The following LRRCC1 variants were observed in gnomAD, a reference collection of about 807,000 sequenced individuals.
LRRCC1 encodes leucine rich repeat and coiled-coil centrosomal protein 1.
Under a neutral mutation model 126.0 loss-of-function variants are expected in LRRCC1, and 115 were observed. The observed-to-expected ratio is 0.91, with a 90% CI of 0.78 to 1.07. The LOEUF (loss-of-function observed/expected upper bound fraction) is 1.07, where lower values mean the gene tolerates loss of function less well. Among genes scored for constraint, LRRCC1 ranks in the 50% least tolerant of loss-of-function variants. The pLI is 0.00. For synonymous variants in LRRCC1, 400 were observed against 393.4 expected, an observed-to-expected ratio of 1.02 and a Z score of -0.20; for missense variants, 1,172 against 1,175.7, an observed-to-expected ratio of 1.00 and a Z score of 0.05.
At chr8:85,123,103 G>A (rs756515254) in intron 6 of LRRCC1, among the ~76,000 whole-genome samples, 1 of 152,028 alleles carries the variant, frequency 6.6e-6, no homozygotes, top group Non-Finnish European at 1.5e-5. Flanking sequence ...CTCTCATTCT[G>A]GTCCATTTTC....
intron 10 of LRRCC1, 83 bp from the exon 11 acceptor site, chr8:85,129,836 T>G: frequency 9.2e-7 from 1 of 1,083,750 alleles, no homozygotes; most frequent in South Asian, 2.1e-5. Flanking sequence ...ACACTGTCAT[T>G]TAAAAGGTAC....
intron 12 of LRRCC1, among the ~76,000 whole-genome samples, chr8:85,133,080 C>A (rs918041664): frequency 4.6e-5 from 7 of 152,160 alleles, no homozygotes; most frequent in African/African-American, 1.7e-4. Flanking sequence ...TCTTTGATTT[C>A]TCTACTTCTC....
At chr8:85,141,620 A>C (rs1450516248) in intron 18 of LRRCC1, 103 bp downstream of exon 18, 100 of 835,280 alleles carry the variant, frequency 1.2e-4, no homozygotes, top group East Asian at 1.6e-4. Flanking sequence ...ACATGATCTC[A>C]TGACCAAATA....
intron 9 of LRRCC1, among the ~76,000 whole-genome samples, chr8:85,128,402 C>G (rs1210008234): frequency 2.0e-5 from 3 of 151,426 alleles, no homozygotes; most frequent in Non-Finnish European, 4.4e-5. Context: ...TTTTCTGATT[C>G]TTCTTTTATC....
chr8:85,124,267 T>C (rs554392221), intron 7 of LRRCC1, among the ~76,000 whole-genome samples: 3 of 152,216 alleles, frequency 2.0e-5, no homozygotes, highest in Admixed American at 2.0e-4. Context: ...TTGTTGTTGA[T>C]TAATTCTTCC....
chr8:85,131,701 T>TA, intron 11 of LRRCC1, 59 bp from the exon 12 acceptor site: 1 of 1,340,366 alleles, frequency 7.5e-7, no homozygotes, highest in Non-Finnish European at 1.0e-6. Flanking sequence ...TAAAGACCTT[T>TA]AAAATGTTTC....
chr8:85,134,611 C>A (rs145143765), intron 12 of LRRCC1, among the ~76,000 whole-genome samples: 1 of 152,148 alleles, frequency 6.6e-6, no homozygotes, highest in African/African-American at 2.4e-5. Context: ...TCAGCCACCG[C>A]GCCCAGCCCA....
rs1241110062 is a variant in LRRCC1, at chr8:85,129,264, C to T, written c.1511C>T (p.Thr504Ile). 2 of 1,613,242 alleles carry T rather than the reference C, an allele frequency of 1.2e-6. No homozygotes were observed. The highest frequency in any genetic ancestry group is 2.7e-5 in the African/African-American group (2 of 75,020). Residue 504 changes from threonine to isoleucine, a missense_variant, in exon 10 of 19, where the codon ACT (threonine) becomes ATT (isoleucine). Transcript: ENST00000360375. ...HKLQNEIKKL[T>I]VELMKAKDQQ... is the part of the protein sequence containing the mutation. ...CTTCAAAATGAAATTAAAAAACTGA[C>T]TGTTGAACTAATGAAAGCAAAAGAT...
Position 85,138,154 on chromosome 8 carries a change from G to A in LRRCC1, c.2613G>A (p.Lys871=). 2 of 1,611,778 alleles carry A rather than the reference G, an allele frequency of 1.2e-6. No individual in the cohort carries two copies. The highest frequency in any genetic ancestry group is 1.7e-6 in the Non-Finnish European group (2 of 1,178,866). ...CACAACTGGATGAGGTACTTGAGAAGTTGGAAAGGCACAATGAAAGAAAAG... is the reference window on the plus strand; with the variant it reads ...CACAACTGGATGAGGTACTTGAGAAATTGGAAAGGCACAATGAAAGAAAAG... ...KSSQLDEVLE[K]LERHNERKEK... The change falls in exon 16 of 19, where the codon AAG becomes AAA. Residue 871 remains lysine, a synonymous_variant. Transcript: ENST00000360375.
rs138066587 is a variant in LRRCC1 at position 85,113,814 on chromosome 8, T to C, written c.544+715T>C. Reference sequence around the variant, plus strand: ...GCTGCTGAAATGCTATTTGAGCTAATTGGGAATCAATCAAGTTGACAAAGA... The same window carrying C: ...GCTGCTGAAATGCTATTTGAGCTAACTGGGAATCAATCAAGTTGACAAAGA... On this transcript the variant is annotated intron_variant, in intron 4 of 18. Transcript: ENST00000360375. 5.0e-3 allele frequency among the ~76,000 whole-genome samples: 764 copies of C among 152,206 alleles called. 4 individuals carry two copies. The highest frequency in any genetic ancestry group is 0.017 in the African/African-American group (718 of 41,550).
At chr8:85,140,428 A>G (rs955642388) in intron 17 of LRRCC1, among the ~76,000 whole-genome samples, 1 of 152,214 alleles carries the variant, frequency 6.6e-6, no homozygotes, top group African/African-American at 2.4e-5. Flanking sequence ...CTACTAAGTC[A>G]TACAATTTTA....
intron 4 of LRRCC1, among the ~76,000 whole-genome samples, chr8:85,114,768 C>T (rs1026745408): frequency 3.9e-5 from 6 of 152,028 alleles, no homozygotes; most frequent in Non-Finnish European, 7.4e-5. Flanking sequence ...AAATAAAAGA[C>T]ATGTTTAGCT....
intron 1 of LRRCC1, among the ~76,000 whole-genome samples, chr8:85,108,489 G>A (rs1315365526): frequency 6.6e-6 from 1 of 152,132 alleles, no homozygotes; most frequent in Non-Finnish European, 1.5e-5. Context: ...CCCATTTTCC[G>A]TCTAATTTCA....
At position 85,129,944 on chromosome 8, in the gene LRRCC1, T is replaced by C. The variant is rs2135970375; in HGVS notation, c.1652T>C (p.Leu551Pro). 1 of 1,590,298 alleles carries C rather than the reference T, an allele frequency of 6.3e-7. No individual in the cohort carries two copies. ...AQIRLIQEVE[L>P]KASAADREIY... ...ATAAGACTGATCCAAGAGGTGGAAC[T>C]CAAAGCTTCAGCTGCCGATAGAGAA... is the stretch of plus-strand genomic sequence containing the variant. Residue 551 changes from leucine to proline, a missense_variant, in exon 11 of 19, where the codon CTC (leucine) becomes CCC (proline). Physicochemically the swap from Leu to Pro is moderately conservative, Grantham distance 98. Transcript: ENST00000360375.
intron 6 of LRRCC1, among the ~76,000 whole-genome samples, chr8:85,123,198 A>G (rs1430285872): frequency 6.6e-6 from 1 of 151,912 alleles, no homozygotes; most frequent in Non-Finnish European, 1.5e-5. Context: ...TTTTGTTTGT[A>G]TTTTTTCCAG....
chr8:85,122,094 G>A (rs908370966), intron 6 of LRRCC1, among the ~76,000 whole-genome samples: 1 of 151,940 alleles, frequency 6.6e-6, no homozygotes, highest in African/African-American at 2.4e-5. Flanking sequence ...ACTGTGCCTG[G>A]CCTCCATAGT....
At position 85,130,042 on chromosome 8, in the gene LRRCC1, A is replaced by C; in HGVS notation, c.1750A>C (p.Lys584Gln). ...AQQLHQLLALKEQEHRKELET... is the reference protein window; with the variant it reads ...AQQLHQLLALQEQEHRKELET... ...ACAACTTCATCAACTTCTTGCATTG[A>C]AAGAACAGGAACACAGGTAAATGAA... Residue 584 changes from lysine (K) to glutamine (Q), a missense_variant, in exon 11 of 19, where the codon AAA (lysine) becomes CAA (glutamine). By Grantham distance (53) the Lys-to-Gln change is moderately conservative. Coordinates refer to ENST00000360375, the MANE Select transcript of LRRCC1 (RefSeq NM_033402.5). 1 of 1,592,274 alleles carries C rather than the reference A, an allele frequency of 6.3e-7. No individual in the cohort carries two copies. Among genetic ancestry groups the C allele is most frequent in the Non-Finnish European group, 8.5e-7 (1 of 1,172,334 alleles).
intron 18 of LRRCC1, among the ~76,000 whole-genome samples, chr8:85,141,736 T>A (rs1811265508): frequency 6.6e-6 from 1 of 152,194 alleles, no homozygotes; most frequent in African/African-American, 2.4e-5. Context: ...AACTTGTACA[T>A]TTGATTCTAG....
At chr8:85,127,455 GT>G (rs1418636938) in intron 9 of LRRCC1, among the ~76,000 whole-genome samples, 1 of 152,118 alleles carries the variant, frequency 6.6e-6, no homozygotes, top group Non-Finnish European at 1.5e-5. Context: ...ATTATAACAT[GT>G]TTAGAGTTTC....
Sources: gnomAD v4.1 joint callset for allele counts (sites outside exome capture counted in the v4.1 genomes callset) on GRCh38, gnomAD v4.1.1 for gene constraint, MANE v1.5 for transcripts, NCBI Gene and HGNC (gene_info 2026-07-23, HGNC 2026-07-21) for gene names.